PSD3: variants seen among roughly 807,000 people sequenced by gnomAD.
The protein encoded by PSD3 is pleckstrin and Sec7 domain containing 3, also known as PH and SEC7 domain-containing protein 3.
In PSD3, 49 loss-of-function variants were observed where a neutral mutation model predicts 105.5. The observed-to-expected ratio is 0.46, with a 90% CI of 0.37 to 0.59. PSD3 has a LOEUF of 0.59. PSD3 is among the 20% of genes least tolerant of loss of function. PSD3 has a pLI of 0.00. For synonymous variants in PSD3, 557 were observed against 457.8 expected (o/e 1.22, Z -2.77); for missense variants, 1,561 against 1,263.8 (o/e 1.24, Z -3.57).
At chr8:18,839,880 T>C (rs1055729712) in intron 4 of PSD3, among the ~76,000 whole-genome samples, 2 of 152,156 alleles carry the variant, frequency 1.3e-5, no homozygotes, top group Admixed American at 6.5e-5. Flanking sequence ...GACTGACAAA[T>C]GTGGTAGTTA....
At chr8:18,603,500 A>C (rs996118593) in intron 11 of PSD3, among the ~76,000 whole-genome samples, 9 of 152,138 alleles carry the variant, frequency 5.9e-5, no homozygotes, top group African/African-American at 2.2e-4. Flanking sequence ...TGTTTGTATA[A>C]TAAATGTCCT....
chr8:18,994,533 G>A (rs934741917), intron 1 of PSD3, among the ~76,000 whole-genome samples: 2 of 152,026 alleles, frequency 1.3e-5, no homozygotes, highest in Non-Finnish European at 2.9e-5. Flanking sequence ...ACAGTCACAT[G>A]GGGCCATTTA....
chr8:18,639,660 G>A (rs1585467884), intron 10 of PSD3, among the ~76,000 whole-genome samples: 1 of 152,204 alleles, frequency 6.6e-6, no homozygotes, highest in African/African-American at 2.4e-5. Flanking sequence ...GGAGACTCCC[G>A]GTCATGGCCT....
chr8:18,895,533 T>C (rs1297111036), intron 2 of PSD3, among the ~76,000 whole-genome samples: 5 of 152,220 alleles, frequency 3.3e-5, no homozygotes, highest in Non-Finnish European at 7.3e-5. Flanking sequence ...CAAGTCTCCC[T>C]CCTCAACACT....
chr8:18,790,396 A>G (rs186558603), intron 8 of PSD3, among the ~76,000 whole-genome samples: 208 of 150,906 alleles, frequency 1.4e-3, no homozygotes, highest in African/African-American at 4.7e-3. Context: ...TCTGCTTCCA[A>G]GGTTCATGCC....
intron 10 of PSD3, among the ~76,000 whole-genome samples, chr8:18,638,128 C>T (rs982736667): frequency 6.8e-6 from 1 of 146,648 alleles, no homozygotes; most frequent in African/African-American, 2.6e-5. Context: ...GCACTCCAGC[C>T]TGGGCGACAG....
chr8:18,659,732 G>A (rs1388132418), intron 9 of PSD3, among the ~76,000 whole-genome samples: 3 of 152,210 alleles, frequency 2.0e-5, no homozygotes, highest in Admixed American at 6.5e-5. Context: ...AAGCGCCTTT[G>A]TTGGTGAGGA....
intron 8 of PSD3, among the ~76,000 whole-genome samples, chr8:18,785,864 T>C (rs898611028): frequency 9.2e-5 from 14 of 152,198 alleles, no homozygotes; most frequent in African/African-American, 3.4e-4. Flanking sequence ...ATGGCCAGCC[T>C]TTGGCGCAGT....
chr8:18,677,414 T>C (rs1800118727), intron 9 of PSD3, among the ~76,000 whole-genome samples: 1 of 151,692 alleles, frequency 6.6e-6, no homozygotes, highest in Non-Finnish European at 1.5e-5. Flanking sequence ...CCCATCTCTA[T>C]TAAAAATAAA....
chr8:18,824,712 G>T (rs1027390060), intron 4 of PSD3, among the ~76,000 whole-genome samples: 1 of 152,110 alleles, frequency 6.6e-6, no homozygotes, highest in African/African-American at 2.4e-5. Flanking sequence ...AGTGTTTGGG[G>T]GAAGCAGTGA....
chr8:18,688,232 C>T (rs905599317), intron 9 of PSD3, among the ~76,000 whole-genome samples: 1 of 151,412 alleles, frequency 6.6e-6, no homozygotes, highest in South Asian at 2.1e-4. Flanking sequence ...TACAGGCATG[C>T]ACCTGGCACG....
intron 11 of PSD3, among the ~76,000 whole-genome samples, chr8:18,612,139 G>T (rs1805312101): frequency 6.7e-6 from 1 of 149,974 alleles, no homozygotes; most frequent in African/African-American, 2.5e-5. Flanking sequence ...ATAAAAAAAA[G>T]TTACAATCCT....
At chr8:19,048,499 T>C (rs1828402919) in intron 1 of PSD3, among the ~76,000 whole-genome samples, 1 of 152,208 alleles carries the variant, frequency 6.6e-6, no homozygotes, top group South Asian at 2.1e-4. Context: ...AATACCTTTA[T>C]GTACTCAAAG....
At chr8:18,991,864 T>C (rs1226671213) in intron 1 of PSD3, among the ~76,000 whole-genome samples, 1 of 152,188 alleles carries the variant, frequency 6.6e-6, no homozygotes, top group African/African-American at 2.4e-5. Flanking sequence ...ATATTTACAA[T>C]GCGCCAGACA....
At chr8:18,710,600 G>C (rs1276906114) in intron 9 of PSD3, among the ~76,000 whole-genome samples, 1 of 152,048 alleles carries the variant, frequency 6.6e-6, no homozygotes, top group East Asian at 1.9e-4. Flanking sequence ...AAAAGGCCAG[G>C]TCACTTACAA....
At position 18,875,654 on chromosome 8, in the gene PSD3, A is replaced by G. The variant is rs554384455; in HGVS notation, c.131-2921T>C. Among the ~76,000 whole-genome samples the G allele has an allele frequency of 7.2e-5, 11 of 151,950 alleles. No homozygotes were observed. In the South Asian group the frequency reaches 2.3e-3, roughly 32 times the overall value. ...TGGATACACGCCATTCTCCTGCCTC[A>G]GCCTCCCGAGGAGCTGGGATACAGG... On this transcript the variant is annotated intron_variant, in intron 2 of 15. Transcript: ENST00000327040.
At chr8:18,869,678 C>T (rs1489963785) in intron 3 of PSD3, among the ~76,000 whole-genome samples, 1 of 152,202 alleles carries the variant, frequency 6.6e-6, no homozygotes, top group Non-Finnish European at 1.5e-5. Context: ...CCTCACGTCT[C>T]AGTGTAATTT....
At chr8:19,079,515 A>G (rs1280816166) in intron 1 of PSD3, among the ~76,000 whole-genome samples, 1 of 152,180 alleles carries the variant, frequency 6.6e-6, no homozygotes, top group Non-Finnish European at 1.5e-5. Context: ...TGAGAAAAAC[A>G]ACTTTTAAAC....
chr8:18,865,279 TATATATA>T (rs1286481143), intron 4 of PSD3: 8 of 5,318 alleles, frequency 1.5e-3, no homozygotes, highest in African/African-American at 2.0e-3. Flanking sequence ...TATATATATA[TATATATA>T]TTTTTTTTTT....
Sources: allele counts gnomAD v4.1 joint callset (sites outside exome capture counted in the v4.1 genomes callset), GRCh38; gene constraint gnomAD v4.1.1; transcripts MANE v1.5; gene names NCBI Gene and HGNC (gene_info 2026-07-23, HGNC 2026-07-21).